The following GRIP1 variants were observed in gnomAD, a reference collection of about 807,000 sequenced individuals.
The protein encoded by GRIP1 is glutamate receptor interacting protein 1, also known as glutamate receptor-interacting protein 1.
Under a neutral mutation model 129.9 loss-of-function variants are expected in GRIP1, and 45 were observed. The observed-to-expected ratio is 0.35, with a 90% CI of 0.27 to 0.44. GRIP1 has a LOEUF of 0.44. Ranked by LOEUF, GRIP1 falls within the 20% of genes least tolerant of loss-of-function variation. The pLI is 1.00. For missense variants in GRIP1, 1,196 were observed against 1,396.8 expected, an observed-to-expected ratio of 0.86 and a Z score of 2.29; for synonymous variants, 530 against 520.8, an observed-to-expected ratio of 1.02 and a Z score of -0.24.
intron 15 of GRIP1, among the ~76,000 whole-genome samples, chr12:66,412,963 T>C (rs1391282559): frequency 6.6e-6 from 1 of 152,164 alleles, no homozygotes. Context: ...ATAAAGCAAG[T>C]TCTTAGAGAC....
chr12:66,477,037 A>G (rs1414300737), intron 7 of GRIP1, among the ~76,000 whole-genome samples: 3 of 152,156 alleles, frequency 2.0e-5, no homozygotes, highest in East Asian at 1.9e-4. Context: ...GGGCAATCAG[A>G]CAGGAGAAAT....
chr12:66,952,585 T>C (rs980238555), intron 1 of GRIP1, among the ~76,000 whole-genome samples: 2 of 152,178 alleles, frequency 1.3e-5, no homozygotes, highest in Non-Finnish European at 2.9e-5. Flanking sequence ...TCCTTATTGA[T>C]CATATCACCT....
At chr12:66,810,826 T>G (rs1458011768) in intron 1 of GRIP1, among the ~76,000 whole-genome samples, 2 of 152,172 alleles carry the variant, frequency 1.3e-5, no homozygotes, top group Non-Finnish European at 2.9e-5. Context: ...TACTTATTTG[T>G]GTTGTTTATT....
At chr12:66,473,607 C>G (rs2138444991) in intron 7 of GRIP1, among the ~76,000 whole-genome samples, 1 of 152,306 alleles carries the variant, frequency 6.6e-6, no homozygotes, top group East Asian at 1.9e-4. Flanking sequence ...GTGGGTGCCC[C>G]TCTGGGACGA....
intron 1 of GRIP1, among the ~76,000 whole-genome samples, chr12:67,022,767 A>G (rs1248017865): frequency 2.6e-5 from 4 of 152,116 alleles, no homozygotes; most frequent in Non-Finnish European, 5.9e-5. Flanking sequence ...ACATGGGTAT[A>G]CCACGTGGTA....
chr12:66,944,378 T>C (rs1342001069), intron 1 of GRIP1, among the ~76,000 whole-genome samples: 1 of 152,214 alleles, frequency 6.6e-6, no homozygotes, highest in Non-Finnish European at 1.5e-5. Context: ...TAAAAGGCTA[T>C]ATGTCCTTTT....
chr12:66,774,178 T>C (rs1309795371), intron 1 of GRIP1, among the ~76,000 whole-genome samples: 2 of 152,166 alleles, frequency 1.3e-5, no homozygotes, highest in Non-Finnish European at 2.9e-5. Flanking sequence ...ATTGTGTGAC[T>C]AGGGAACAAT....
At chr12:66,654,943 T>C (rs2033050715) in intron 1 of GRIP1, among the ~76,000 whole-genome samples, 1 of 152,226 alleles carries the variant, frequency 6.6e-6, no homozygotes, top group East Asian at 1.9e-4. Flanking sequence ...AAAAATCTAA[T>C]TTAGTCATGC....
At chr12:66,432,839 C>G (rs1347457915) in intron 13 of GRIP1, among the ~76,000 whole-genome samples, 1 of 152,114 alleles carries the variant, frequency 6.6e-6, no homozygotes, top group Non-Finnish European at 1.5e-5. Context: ...TAATTCACAC[C>G]AACAGTTGAG....
At position 66,348,924 on chromosome 12, in the gene GRIP1, G is replaced by T; in HGVS notation, c.*95C>A. ...CTGTGCTTGCAGTTAATGCCACGTT[G>T]ATTGATTATCTGTGCTTCAAAGGTC... On this transcript the variant is annotated 3_prime_UTR_variant, in exon 25 of 25. Coordinates refer to ENST00000359742, the MANE Select transcript of GRIP1 (RefSeq NM_001366722.1). 1 of 892,842 alleles carries T rather than the reference G, an allele frequency of 1.1e-6. No homozygotes were observed. Among genetic ancestry groups the T allele is most frequent in the Non-Finnish European group, 1.9e-6 (1 of 522,138 alleles). 55.3% of individuals were successfully genotyped at this position (892,842 alleles called of 1,614,324 possible).
intron 1 of GRIP1, among the ~76,000 whole-genome samples, chr12:66,664,140 C>T (rs1290731281): frequency 6.6e-6 from 1 of 151,356 alleles, no homozygotes; most frequent in East Asian, 1.9e-4. Flanking sequence ...CAATTTAACT[C>T]GAACCCATTT....
intron 1 of GRIP1, among the ~76,000 whole-genome samples, chr12:66,717,077 A>T (rs771979200): frequency 1.3e-5 from 2 of 152,146 alleles, no homozygotes; most frequent in Non-Finnish European, 2.9e-5. Context: ...CTTTAGAAAC[A>T]AAACTTATTC....
At chr12:66,357,760 A>T (rs1277974720) in intron 23 of GRIP1, among the ~76,000 whole-genome samples, 3 of 152,242 alleles carry the variant, frequency 2.0e-5, no homozygotes, top group Non-Finnish European at 4.4e-5. Context: ...ATGAATGCTA[A>T]TTCTTTCCTT....
At chr12:66,461,394 G>A (rs1264536959) in intron 9 of GRIP1, among the ~76,000 whole-genome samples, 3 of 152,090 alleles carry the variant, frequency 2.0e-5, no homozygotes, top group East Asian at 1.9e-4. Context: ...GATGACTGCC[G>A]ATTAATTTAA....
chr12:66,514,344 T>C (rs1320385825), intron 7 of GRIP1, among the ~76,000 whole-genome samples: 2 of 152,166 alleles, frequency 1.3e-5, no homozygotes, highest in African/African-American at 4.8e-5. Flanking sequence ...ACCCTACTTA[T>C]GTAATCTGAT....
At chr12:66,402,068 C>T (rs945569954) in intron 16 of GRIP1, among the ~76,000 whole-genome samples, 9 of 152,182 alleles carry the variant, frequency 5.9e-5, no homozygotes, top group African/African-American at 2.2e-4. Context: ...TCCTTGCACA[C>T]GTTATGCTTG....
intron 15 of GRIP1, among the ~76,000 whole-genome samples, chr12:66,414,252 C>A (rs1360893067): frequency 6.6e-6 from 1 of 152,080 alleles, no homozygotes; most frequent in East Asian, 1.9e-4. Flanking sequence ...AAAGTCTCCA[C>A]ATACAAAATC....
chr12:66,589,928 A>G (rs1326971013), intron 2 of GRIP1, among the ~76,000 whole-genome samples: 2 of 152,178 alleles, frequency 1.3e-5, no homozygotes, highest in African/African-American at 4.8e-5. Context: ...CTTTTACCCA[A>G]TTTAATTTTC....
At chr12:66,471,979 A>G (rs10506484) in intron 7 of GRIP1, among the ~76,000 whole-genome samples, 40,283 of 152,112 alleles carry the variant, frequency 0.26, 5,549 homozygotes, top group Middle Eastern at 0.43. Context: ...TTTTGAAAAG[A>G]AGCTGGATAT....
Sources: allele counts gnomAD v4.1 joint callset (sites outside exome capture counted in the v4.1 genomes callset), GRCh38; gene constraint gnomAD v4.1.1; transcripts MANE v1.5; gene names NCBI Gene and HGNC (gene_info 2026-07-23, HGNC 2026-07-21).